The following COMMD1 variants were observed in gnomAD, a reference collection of about 807,000 sequenced individuals.
The protein encoded by COMMD1 is copper metabolism domain containing 1.
COMMD1 carries 10 observed loss-of-function variants against 17.2 expected under a neutral mutation model. The ratio of observed to expected loss-of-function variants is 0.58; its 90% CI spans 0.36 to 0.99. The LOEUF (loss-of-function observed/expected upper bound fraction) is 0.99, where lower values mean the gene tolerates loss of function less well. Among genes scored for constraint, COMMD1 ranks in the 50% least tolerant of loss-of-function variants. The pLI, the probability that COMMD1 is intolerant of heterozygous loss-of-function variation, is 0.01. For missense variants in COMMD1, 270 were observed against 231.8 expected (o/e 1.17, Z -1.07); for synonymous variants, 97 against 91.6 (o/e 1.06, Z -0.34).
At position 61,974,202 on chromosome 2, in the gene COMMD1, G is replaced by A. The variant is rs186836200; in HGVS notation, c.181-26499G>A. 2.0e-5 allele frequency among the ~76,000 whole-genome samples: 3 copies of A among 152,172 alleles called. No homozygotes were observed. In the East Asian group the frequency reaches 5.8e-4, roughly 29 times the overall value. On this transcript the variant is annotated intron_variant, in intron 1 of 2. Transcript: ENST00000311832. ...CCAGCTACTCAGGAGTCCAAGGCAC[G>A]AGAATCGCTTGAACCTGGGAGACAG...
chr2:61,985,142 C>G lies in COMMD1; in HGVS notation c.181-15559C>G, dbSNP rs192706219. 5.0e-3 allele frequency among the ~76,000 whole-genome samples: 760 copies of G among 151,976 alleles called. 13 individuals carry two copies. The highest frequency in any genetic ancestry group is 0.017 in the African/African-American group (713 of 41,456). ...CTCGGCTCACTGCAAGCTCCGCCTC[C>G]CAGGTTAATGCCATTCTCCTGCCTC... is the stretch of plus-strand genomic sequence containing the variant. On this transcript the variant is annotated intron_variant, in intron 1 of 2. Coordinates refer to ENST00000311832, the MANE Select transcript of COMMD1 (RefSeq NM_152516.4).
At position 62,033,938 on chromosome 2, in the gene COMMD1, C is replaced by T. The variant is rs148998745; in HGVS notation, c.462+32956C>T. Among the ~76,000 whole-genome samples the T allele has an allele frequency of 3.2e-3, 484 of 151,830 alleles. 1 individual carries two copies. Among genetic ancestry groups the T allele is most frequent in the African/African-American group, 9.9e-3 (412 of 41,422 alleles). On this transcript the variant is annotated intron_variant, in intron 2 of 2. Transcript: ENST00000311832. ...CAGCCTGGCCAACATAGGGAGACCC[C>T]ATTTCTACAAAAATGTAAAAAAAAT...
chr2:62,135,746 A>G (rs1673176369), intron 2 of COMMD1, 85 bp from the exon 3 acceptor site: 2 of 773,094 alleles, frequency 2.6e-6, no homozygotes, highest in South Asian at 2.7e-5. Flanking sequence ...CTGGATTGGG[A>G]CCCTGGGTAT....
rs150799275 is a variant in COMMD1 at position 62,120,185 on chromosome 2, A to G, written c.463-15646A>G. ...TGGCTAATTTTTGTATTTTTAGTAG[A>G]GAATGGGTTTCACCATGTTGCCCAG... On this transcript the variant is annotated intron_variant, in intron 2 of 2. Coordinates refer to ENST00000311832, the MANE Select transcript of COMMD1 (RefSeq NM_152516.4). 4.4e-4 allele frequency among the ~76,000 whole-genome samples: 67 copies of G among 152,112 alleles called. No individual in the cohort carries two copies. The East Asian group carries it at 0.012, about 28-fold the overall frequency.
intron 2 of COMMD1, among the ~76,000 whole-genome samples, chr2:62,083,996 A>G (rs1671594080): frequency 6.6e-6 from 1 of 152,246 alleles, no homozygotes; most frequent in Non-Finnish European, 1.5e-5. Context: ...AAAAAATTTA[A>G]CTAAACATCT....
intron 1 of COMMD1, 21 bp downstream of exon 1, chr2:61,905,879 C>G (rs775928189): frequency 6.2e-7 from 1 of 1,613,488 alleles, no homozygotes; most frequent in East Asian, 2.2e-5. Flanking sequence ...TTTCTGTAGT[C>G]TCCGGCTTGG....
At chr2:61,941,478 A>G (rs934477244) in intron 1 of COMMD1, among the ~76,000 whole-genome samples, 2 of 152,198 alleles carry the variant, frequency 1.3e-5, no homozygotes, top group Non-Finnish European at 1.5e-5. Context: ...CGTTATGGAC[A>G]TATTAGGTAG....
At chr2:62,122,817 A>T (rs1057205484) in intron 2 of COMMD1, among the ~76,000 whole-genome samples, 9 of 152,204 alleles carry the variant, frequency 5.9e-5, no homozygotes, top group African/African-American at 2.2e-4. Context: ...TTCTTGGCAC[A>T]TTCCCACTTT....
At chr2:61,996,907 A>G (rs1321567067) in intron 1 of COMMD1, among the ~76,000 whole-genome samples, 1 of 152,182 alleles carries the variant, frequency 6.6e-6, no homozygotes, top group African/African-American at 2.4e-5. Flanking sequence ...TTTAATGTGG[A>G]TATTTTGACA....
chr2:62,021,018 A>AT (rs1340918520), intron 2 of COMMD1, among the ~76,000 whole-genome samples: 3 of 151,682 alleles, frequency 2.0e-5, no homozygotes, highest in African/African-American at 7.3e-5. Context: ...AAAAAAAAAA[A>AT]CTCTACTCTT....
At chr2:61,925,483 A>G (rs1203051558) in intron 1 of COMMD1, among the ~76,000 whole-genome samples, 1 of 152,126 alleles carries the variant, frequency 6.6e-6, no homozygotes, top group Non-Finnish European at 1.5e-5. Flanking sequence ...GACGTTTATT[A>G]CAGGAGGGTG....
intron 2 of COMMD1, among the ~76,000 whole-genome samples, chr2:62,022,248 C>T (rs1212282742): frequency 6.6e-6 from 1 of 151,882 alleles, no homozygotes; most frequent in African/African-American, 2.4e-5. Flanking sequence ...GTATACAATA[C>T]AGGTTTTAGG....
upstream of COMMD1, chr2:61,888,408 G>C (rs1432131800): frequency 3.1e-6 from 5 of 1,613,064 alleles, no homozygotes; most frequent in Non-Finnish European, 4.2e-6. Context: ...TTGCTGAAGC[G>C]GATCTGGGCT....
At chr2:62,103,579 G>A (rs1672245613) in intron 2 of COMMD1, among the ~76,000 whole-genome samples, 2 of 152,172 alleles carry the variant, frequency 1.3e-5, no homozygotes, top group African/African-American at 4.8e-5. Flanking sequence ...AACTTAGCAT[G>A]TAGTCATCTT....
chr2:62,053,440 A>G (rs1248999979), intron 2 of COMMD1, among the ~76,000 whole-genome samples: 1 of 152,182 alleles, frequency 6.6e-6, no homozygotes, highest in Non-Finnish European at 1.5e-5. Context: ...AGAAGAAACA[A>G]TATTACTTCT....
At chr2:62,102,557 G>A (rs1672215622) in intron 2 of COMMD1, among the ~76,000 whole-genome samples, 1 of 152,122 alleles carries the variant, frequency 6.6e-6, no homozygotes, top group African/African-American at 2.4e-5. Context: ...CAAAATGAAA[G>A]CTTCAAAAGC....
chr2:61,944,324 C>T (rs1432713051), intron 1 of COMMD1, among the ~76,000 whole-genome samples: 1 of 152,004 alleles, frequency 6.6e-6, no homozygotes, highest in Non-Finnish European at 1.5e-5. Context: ...TGGTGGCACA[C>T]ATCTGTAGTC....
At chr2:61,996,532 T>C (rs1009046593) in intron 1 of COMMD1, among the ~76,000 whole-genome samples, 3 of 152,190 alleles carry the variant, frequency 2.0e-5, no homozygotes, top group Non-Finnish European at 2.9e-5. Flanking sequence ...TGCTGTTTGA[T>C]AGCATTTTAC....
intron 2 of COMMD1, among the ~76,000 whole-genome samples, chr2:62,089,021 A>T (rs72803340): frequency 0.022 from 3,334 of 152,302 alleles, 66 homozygotes; most frequent in Middle Eastern, 0.031. Context: ...AGGATCTAGG[A>T]TCCCTAATAA....
Sources: gnomAD v4.1 joint callset for allele counts (sites outside exome capture counted in the v4.1 genomes callset) on GRCh38, gnomAD v4.1.1 for gene constraint, MANE v1.5 for transcripts, NCBI Gene and HGNC (gene_info 2026-07-23, HGNC 2026-07-21) for gene names.